The following PPARGC1A variants were observed in gnomAD, a reference collection of about 807,000 sequenced individuals.
PPARGC1A encodes the protein peroxisome proliferator-activated receptor gamma coactivator 1-alpha.
In PPARGC1A, 25 loss-of-function variants were observed where a neutral mutation model predicts 88.7. That is an observed-to-expected ratio of 0.28 (90% CI 0.21 to 0.39). The LOEUF (loss-of-function observed/expected upper bound fraction) is 0.39, where lower values mean the gene tolerates loss of function less well. Among genes scored for constraint, PPARGC1A ranks in the 10% least tolerant of loss-of-function variants. PPARGC1A has a pLI of 1.00. For missense variants in PPARGC1A, 880 were observed against 968.7 expected, an observed-to-expected ratio of 0.91 and a Z score of 1.22; for synonymous variants, 363 against 355.6, an observed-to-expected ratio of 1.02 and a Z score of -0.24.
chr4:23,987,505 T>A, the PPARGC1A span, among the ~76,000 whole-genome samples: 2 of 152,088 alleles, frequency 1.3e-5, no homozygotes, highest in African/African-American at 4.8e-5. Context: ...CCCTATTCTC[T>A]CCCAGCATCC....
chr4:24,326,387 A>G, the PPARGC1A span, among the ~76,000 whole-genome samples: 3,977 of 151,126 alleles, frequency 0.026, 147 homozygotes, highest in African/African-American at 0.092. Flanking sequence ...TATCCACCCC[A>G]TGGTGCCAAA....
At chr4:24,125,213 G>A in the PPARGC1A span, among the ~76,000 whole-genome samples, 4 of 151,952 alleles carry the variant, frequency 2.6e-5, no homozygotes, top group African/African-American at 9.7e-5. Context: ...ATAGTGATGG[G>A]AATCACATAA....
At chr4:24,393,793 T>C in the PPARGC1A span, among the ~76,000 whole-genome samples, 2 of 152,212 alleles carry the variant, frequency 1.3e-5, no homozygotes, top group Non-Finnish European at 2.9e-5. Context: ...TTTACTGAAA[T>C]AGTTTTTTTA....
chr4:23,937,235 T>A, the PPARGC1A span, among the ~76,000 whole-genome samples: 1 of 152,046 alleles, frequency 6.6e-6, no homozygotes, highest in Non-Finnish European at 1.5e-5. Flanking sequence ...ATGGTAGTTT[T>A]ACAAGTGAAA....
the PPARGC1A span, among the ~76,000 whole-genome samples, chr4:24,179,368 T>C: frequency 2.6e-5 from 4 of 151,982 alleles, no homozygotes; most frequent in Non-Finnish European, 5.9e-5. Flanking sequence ...CAGGGCAGAG[T>C]CTCTTTCCCC....
chr4:24,064,822 AC>A, the PPARGC1A span, among the ~76,000 whole-genome samples: 1 of 146,844 alleles, frequency 6.8e-6, no homozygotes, highest in Non-Finnish European at 1.5e-5. Flanking sequence ...CCATCATACA[AC>A]AACACATTCT....
At chr4:24,388,927 C>A in the PPARGC1A span, among the ~76,000 whole-genome samples, 4 of 152,062 alleles carry the variant, frequency 2.6e-5, no homozygotes, top group African/African-American at 9.7e-5. Context: ...ATGTAACAAA[C>A]GTGCACGTTC....
the PPARGC1A span, among the ~76,000 whole-genome samples, chr4:24,355,774 G>A: frequency 3.3e-5 from 5 of 152,150 alleles, no homozygotes; most frequent in South Asian, 6.2e-4. Context: ...AAGTGCGAGG[G>A]GGAGGAAGAA....
At chr4:24,043,740 A>C in the PPARGC1A span, among the ~76,000 whole-genome samples, 1 of 152,214 alleles carries the variant, frequency 6.6e-6, no homozygotes. Flanking sequence ...GGTAACTAAG[A>C]GGATTGTATA....
chr4:24,166,493 T>C, the PPARGC1A span, among the ~76,000 whole-genome samples: 2 of 152,180 alleles, frequency 1.3e-5, no homozygotes, highest in Non-Finnish European at 2.9e-5. Flanking sequence ...GAGGAGTCAA[T>C]GCTTGGCTTC....
the PPARGC1A span, among the ~76,000 whole-genome samples, chr4:24,341,232 T>C: frequency 1.9e-4 from 28 of 150,554 alleles, no homozygotes; most frequent in South Asian, 1.9e-3. Context: ...TATATATATA[T>C]ACACACACGT....
At chr4:24,149,411 T>TA in the PPARGC1A span, among the ~76,000 whole-genome samples, 4,584 of 147,434 alleles carry the variant, frequency 0.031, 169 homozygotes, top group East Asian at 0.1. Flanking sequence ...ATCTTCTAAT[T>TA]AAAAAAAAAA....
At chr4:24,218,792 A>G in the PPARGC1A span, among the ~76,000 whole-genome samples, 1 of 152,186 alleles carries the variant, frequency 6.6e-6, no homozygotes, top group African/African-American at 2.4e-5. Flanking sequence ...GCCTCTTGAG[A>G]TGATCAGTGC....
chr4:23,876,804 C>T (rs925570476), intron 2 of PPARGC1A, among the ~76,000 whole-genome samples: 2 of 151,810 alleles, frequency 1.3e-5, no homozygotes. Flanking sequence ...CACCCTAACC[C>T]CCAAAAAAAG....
chr4:24,455,220 C>T, the PPARGC1A span, among the ~76,000 whole-genome samples: 1 of 152,230 alleles, frequency 6.6e-6, no homozygotes, highest in Non-Finnish European at 1.5e-5. Context: ...GTGGCTCAAG[C>T]CTGTAATCCC....
In PPARGC1A at chr4:23,828,615, A is replaced by C; in HGVS notation, c.553-11T>G. 6.2e-7 allele frequency: 1 copy of C among 1,613,154 alleles called. No individual in the cohort carries two copies. The highest frequency in any genetic ancestry group is 8.5e-7 in the Non-Finnish European group (1 of 1,179,306). On this transcript the variant is annotated splice_polypyrimidine_tract_variant and intron_variant, in intron 4 of 12. Transcript: ENST00000264867. ...CCATGAATTCTCAGTCTTAAAAACA[A>C]GGCATAAAGAAAGCTAAAATTAGTG...
At chr4:23,897,075 A>T (rs963880197) in intron 1 of PPARGC1A, among the ~76,000 whole-genome samples, 4 of 152,196 alleles carry the variant, frequency 2.6e-5, no homozygotes, top group African/African-American at 9.6e-5. Context: ...GGGATAACTC[A>T]CTTTCTTTCC....
chr4:24,338,132 G>C, the PPARGC1A span, among the ~76,000 whole-genome samples: 1 of 152,114 alleles, frequency 6.6e-6, no homozygotes, highest in African/African-American at 2.4e-5. Context: ...GATTCTCGGG[G>C]CCCTGCCTTC....
At chr4:24,064,447 C>T in the PPARGC1A span, among the ~76,000 whole-genome samples, 1 of 152,050 alleles carries the variant, frequency 6.6e-6, no homozygotes, top group Non-Finnish European at 1.5e-5. Flanking sequence ...GGATGCACAC[C>T]ACAGGCTGAG....
Sources: gnomAD v4.1 joint callset for allele counts (sites outside exome capture counted in the v4.1 genomes callset) on GRCh38, gnomAD v4.1.1 for gene constraint, MANE v1.5 for transcripts, NCBI Gene and HGNC (gene_info 2026-07-23, HGNC 2026-07-21) for gene names.